ACOT12: variants seen among roughly 807,000 people sequenced by gnomAD.
ACOT12 encodes the protein acyl-CoA thioesterase 12.
Under a neutral mutation model 67.7 loss-of-function variants are expected in ACOT12, and 51 were observed. The ratio of observed to expected loss-of-function variants is 0.75; its 90% CI spans 0.60 to 0.95. The LOEUF is 0.95. ACOT12 is among the 40% of genes least tolerant of loss of function. The pLI is 0.00. For missense variants in ACOT12, 734 were observed against 708.1 expected (o/e 1.04, Z -0.41); for synonymous variants, 251 against 244.6 (o/e 1.03, Z -0.24).
the ACOT12 span, among the ~76,000 whole-genome samples, chr5:81,311,704 A>G: frequency 5.3e-5 from 8 of 152,336 alleles, no homozygotes; most frequent in Middle Eastern, 3.4e-3. Context: ...AGTTGATTGC[A>G]GAAACTACCA....
At chr5:81,362,352 G>A (rs950095324) in intron 4 of ACOT12, among the ~76,000 whole-genome samples, 1 of 151,940 alleles carries the variant, frequency 6.6e-6, no homozygotes, top group Admixed American at 6.6e-5. Flanking sequence ...TTTTAGTAGA[G>A]AGGGGGTTTC....
the ACOT12 span, among the ~76,000 whole-genome samples, chr5:81,315,740 C>T: frequency 2.0e-5 from 3 of 152,042 alleles, no homozygotes; most frequent in African/African-American, 7.2e-5. Flanking sequence ...ATGAGTTTGC[C>T]ATATGTGAGG....
intron 7 of ACOT12, among the ~76,000 whole-genome samples, chr5:81,345,612 T>G (rs756394988): frequency 1.3e-5 from 2 of 152,084 alleles, no homozygotes; most frequent in Non-Finnish European, 2.9e-5. Context: ...TTAATAATTA[T>G]GCAGGGATGA....
At chr5:81,321,398 A>G in the ACOT12 span, among the ~76,000 whole-genome samples, 1 of 152,208 alleles carries the variant, frequency 6.6e-6, no homozygotes, top group Middle Eastern at 3.2e-3. Flanking sequence ...TCACCTCTCA[A>G]ATGCTCTATT....
chr5:81,311,993 T>G, the ACOT12 span, among the ~76,000 whole-genome samples: 8 of 152,340 alleles, frequency 5.3e-5, no homozygotes, highest in East Asian at 1.3e-3. Context: ...GTCTGCTCAT[T>G]CTTACTTCCT....
intron 2 of ACOT12, among the ~76,000 whole-genome samples, chr5:81,383,293 C>T (rs989325259): frequency 6.6e-6 from 1 of 152,144 alleles, no homozygotes; most frequent in Non-Finnish European, 1.5e-5. Context: ...GCAGGACAAT[C>T]GCTTGAACCT....
At chr5:81,377,658 C>A (rs887568325) in intron 2 of ACOT12, among the ~76,000 whole-genome samples, 15 of 152,184 alleles carry the variant, frequency 9.9e-5, no homozygotes, top group Non-Finnish European at 2.9e-5. Flanking sequence ...GATACAAAAT[C>A]AATGTGCAAA....
chr5:81,365,420 C>T (rs1385403931), intron 3 of ACOT12, among the ~76,000 whole-genome samples: 1 of 152,192 alleles, frequency 6.6e-6, no homozygotes, highest in Admixed American at 6.5e-5. Context: ...TCTCAACCCT[C>T]AATCCCACAC....
In ACOT12 at chr5:81,360,053, G is replaced by T. The variant is rs1472680515; in HGVS notation, c.361-15C>A. ...TTTAAATGAATCTAGAGAAAGAAAAGCATTTATCTTTTATTGCCTTGTTAA... is the reference window on the plus strand; with the variant it reads ...TTTAAATGAATCTAGAGAAAGAAAATCATTTATCTTTTATTGCCTTGTTAA... On this transcript the variant is annotated splice_polypyrimidine_tract_variant and intron_variant, in intron 4 of 14. Transcript: ENST00000307624. 1 of 1,589,642 alleles carries T rather than the reference G, an allele frequency of 6.3e-7. No homozygotes were observed. Among genetic ancestry groups the T allele is most frequent in the East Asian group, 2.3e-5 (1 of 44,346 alleles).
At chr5:81,342,315 A>G (rs1488639187) in intron 11 of ACOT12, among the ~76,000 whole-genome samples, 1 of 152,228 alleles carries the variant, frequency 6.6e-6, no homozygotes, top group Non-Finnish European at 1.5e-5. Context: ...TAAAGAAGTC[A>G]TGACAGTTAC....
At chr5:81,370,199 A>G (rs1160492230) in intron 3 of ACOT12, among the ~76,000 whole-genome samples, 2 of 152,094 alleles carry the variant, frequency 1.3e-5, no homozygotes, top group African/African-American at 4.8e-5. Flanking sequence ...ACTTGAACCC[A>G]GGAGGCGGAG....
chr5:81,387,923 T>C (rs1760773657), intron 1 of ACOT12, among the ~76,000 whole-genome samples: 1 of 152,160 alleles, frequency 6.6e-6, no homozygotes, highest in Non-Finnish European at 1.5e-5. Context: ...ATTGTTTATA[T>C]TGGGTATCTA....
chr5:81,333,063 T>TAAA (rs11343919), intron 12 of ACOT12, among the ~76,000 whole-genome samples: 6 of 131,394 alleles, frequency 4.6e-5, no homozygotes, highest in African/African-American at 1.4e-4. Flanking sequence ...AGTGAGATCT[T>TAAA]AAAAAAAAAA....
At chr5:81,323,847 T>C in the ACOT12 span, among the ~76,000 whole-genome samples, 11 of 143,082 alleles carry the variant, frequency 7.7e-5, no homozygotes, top group South Asian at 4.4e-4. Context: ...TATATGTATA[T>C]GTACATGTAT....
chr5:81,380,111 C>G (rs1353018123), intron 2 of ACOT12, among the ~76,000 whole-genome samples: 1 of 152,074 alleles, frequency 6.6e-6, no homozygotes, highest in Non-Finnish European at 1.5e-5. Flanking sequence ...GAAATCTGAA[C>G]AAATTTAAAT....
chr5:81,379,721 C>G (rs1760525153), intron 2 of ACOT12, among the ~76,000 whole-genome samples: 1 of 152,190 alleles, frequency 6.6e-6, no homozygotes, highest in South Asian at 2.1e-4. Flanking sequence ...GCAATTCATA[C>G]TATTTTAATC....
chr5:81,312,543 G>A, the ACOT12 span: 3 of 1,610,140 alleles, frequency 1.9e-6, no homozygotes, highest in South Asian at 2.2e-5. Flanking sequence ...TTCCTTTACA[G>A]AGCGAATGGT....
At chr5:81,364,258 T>A (rs1580569600) in intron 3 of ACOT12, among the ~76,000 whole-genome samples, 1 of 150,624 alleles carries the variant, frequency 6.6e-6, no homozygotes, top group Non-Finnish European at 1.5e-5. Flanking sequence ...ATGTCATATA[T>A]GATATATAAT....
chr5:81,326,098 C>T (rs1758667642), downstream of ACOT12, among the ~76,000 whole-genome samples: 1 of 150,386 alleles, frequency 6.6e-6, no homozygotes, highest in South Asian at 2.1e-4. Context: ...TGAGCGACTG[C>T]ACACCCAGCC....
Sources: gnomAD v4.1 joint callset for allele counts (sites outside exome capture counted in the v4.1 genomes callset) on GRCh38, gnomAD v4.1.1 for gene constraint, MANE v1.5 for transcripts, NCBI Gene and HGNC (gene_info 2026-07-23, HGNC 2026-07-21) for gene names.